The following KCNQ1 variants were observed in gnomAD, a reference collection of about 807,000 sequenced individuals.
KCNQ1 encodes potassium voltage-gated channel subfamily KQT member 1.
In KCNQ1, 49 loss-of-function variants were observed where a neutral mutation model predicts 72.4. The ratio of observed to expected loss-of-function variants is 0.68; its 90% confidence interval spans 0.54 to 0.86. The LOEUF is 0.86. Among genes scored for constraint, KCNQ1 ranks in the 40% least tolerant of loss-of-function variants. KCNQ1 has a pLI of 0.00. For missense variants in KCNQ1, 790 were observed against 945.1 expected (o/e 0.84, Z 2.15); for synonymous variants, 450 against 412.6 (o/e 1.09, Z -1.10).
At chr11:2,685,407 G>C (rs773730043) in intron 11 of KCNQ1, 32 of 398,502 alleles carry the variant, frequency 8.0e-5, no homozygotes, top group Non-Finnish European at 1.4e-4. Context: ...GTTTCCATGG[G>C]TCTCCTTCAC....
At chr11:2,726,984 C>T (rs1845775376) in intron 11 of KCNQ1, among the ~76,000 whole-genome samples, 1 of 152,206 alleles carries the variant, frequency 6.6e-6, no homozygotes, top group Admixed American at 6.5e-5. Context: ...AGGGTTGGCC[C>T]TGGGCATGGA....
chr11:2,489,577 A>G (rs1846801418), intron 1 of KCNQ1, among the ~76,000 whole-genome samples: 1 of 152,230 alleles, frequency 6.6e-6, no homozygotes, highest in South Asian at 2.1e-4. Context: ...CAGGGTGGCT[A>G]ACCCCAGGCA....
At chr11:2,576,477 C>A (rs1281220066) in intron 6 of KCNQ1, among the ~76,000 whole-genome samples, 1 of 152,228 alleles carries the variant, frequency 6.6e-6, no homozygotes, top group African/African-American at 2.4e-5. Flanking sequence ...ACACGGGCTT[C>A]TCTGTTCAGC....
At position 2,486,867 on chromosome 11, in the gene KCNQ1, C is replaced by T. The variant is rs534497411; in HGVS notation, c.387-41061C>T. Among the ~76,000 whole-genome samples the T allele has an allele frequency of 2.8e-4, 42 of 152,302 alleles. No homozygotes were observed. Among genetic ancestry groups the T allele is most frequent in the East Asian group, 9.6e-4 (5 of 5,182 alleles). ...AGCACCCACCAGGCCCCACCTCCAA[C>T]GCTGGGGATCACATTTCAACATGAG... On this transcript the variant is annotated intron_variant, in intron 1 of 15. Coordinates refer to ENST00000155840, the MANE Select transcript of KCNQ1 (RefSeq NM_000218.3). The surrounding 1 kb of genome is among the most constrained non-coding windows in gnomAD (Gnocchi z 5.0).
At chr11:2,694,886 G>A (rs1850648900) in intron 11 of KCNQ1, 1 of 398,566 alleles carries the variant, frequency 2.5e-6, no homozygotes, top group South Asian at 1.3e-4. Flanking sequence ...AGAAGGAATT[G>A]TCAAGGGAAG....
Position 2,593,464 on chromosome 11 carries a change from C to A in KCNQ1, c.1393+4610C>A, listed in dbSNP as rs1197681945. The stretch of plus-strand genomic sequence containing the variant: ...GGGCAGCACGCACCTTTCCACCTGG[C>A]CTGGAGGTGATTCTGAAGGGCTTCT... On this transcript the variant is annotated intron_variant, in intron 10 of 15. Coordinates refer to ENST00000155840, the MANE Select transcript of KCNQ1 (RefSeq NM_000218.3). This position sits in a 1 kb window ranked among gnomAD's most constrained non-coding sequence, Gnocchi z 6.9. Among the ~76,000 whole-genome samples the A allele has an allele frequency of 6.6e-6, 1 of 152,198 alleles. No homozygotes were observed. The highest frequency in any genetic ancestry group is 1.5e-5 in the Non-Finnish European group (1 of 68,040).
At position 2,447,192 on chromosome 11, in the gene KCNQ1, TC is replaced by T. The variant is rs1224015473; in HGVS notation, c.386+1710del. On this transcript the variant is annotated intron_variant, in intron 1 of 15. Coordinates refer to ENST00000155840, the MANE Select transcript of KCNQ1 (RefSeq NM_000218.3). The surrounding 1 kb of genome is among the most constrained non-coding windows in gnomAD (Gnocchi z 7.6). ...GTCTCTGCTTGCACTTGTGTTTTCT[TC>T]CTCATTTGGATTGTTTAGGTCTCGG... 1.3e-5 allele frequency among the ~76,000 whole-genome samples: 2 copies of T among 152,118 alleles called. No homozygotes were observed. Among genetic ancestry groups the T allele is most frequent in the Non-Finnish European group, 2.9e-5 (2 of 68,032 alleles).
intron 11 of KCNQ1, among the ~76,000 whole-genome samples, chr11:2,708,573 AG>A (rs1850951043): frequency 1.3e-5 from 2 of 152,118 alleles, no homozygotes; most frequent in Non-Finnish European, 1.5e-5. Flanking sequence ...TGGGGTGCAC[AG>A]GGTGGGCAGT....
Position 2,764,351 on chromosome 11 carries a change from G to T in KCNQ1, c.1515-4493G>T, listed in dbSNP as rs535791264. On this transcript the variant is annotated intron_variant, in intron 11 of 15. Coordinates refer to ENST00000155840, the MANE Select transcript of KCNQ1 (RefSeq NM_000218.3). This position sits in a 1 kb window ranked among gnomAD's most constrained non-coding sequence, Gnocchi z 4.8. The stretch of plus-strand genomic sequence containing the variant: ...TTATTCTGTTGATGTGAAGAGTGAC[G>T]CTGCTTGGTCCTTAGAGGGTAAACT... Among the ~76,000 whole-genome samples the T allele has an allele frequency of 6.6e-6, 1 of 152,246 alleles. No homozygotes were observed. The highest frequency in any genetic ancestry group is 2.4e-5 in the African/African-American group (1 of 41,542).
Position 2,617,784 on chromosome 11 carries a change from G to C in KCNQ1, c.1393+28930G>C, listed in dbSNP as rs570776242. 52 of 398,514 alleles carry C rather than the reference G, an allele frequency of 1.3e-4. No homozygotes were observed. The East Asian group carries it at 1.8e-3, about 14-fold the overall frequency. 24.7% of individuals were successfully genotyped at this position (398,514 alleles called of 1,614,324 possible). A position where few individuals can be genotyped will look rare whatever the true frequency, so the allele number is the denominator to read the frequency against. Reference sequence around the variant, plus strand: ...TTGATTTGCATTTCCCTGACGATTAGTGATGTTAAATGTCTTTTCATATAT... The same window carrying C: ...TTGATTTGCATTTCCCTGACGATTACTGATGTTAAATGTCTTTTCATATAT... On this transcript the variant is annotated intron_variant, in intron 10 of 15. Coordinates refer to ENST00000155840, the MANE Select transcript of KCNQ1 (RefSeq NM_000218.3). This position sits in a 1 kb window ranked among gnomAD's most constrained non-coding sequence, Gnocchi z 4.6.
chr11:2,788,271 C>T (rs934894236), intron 15 of KCNQ1, among the ~76,000 whole-genome samples: 2 of 152,156 alleles, frequency 1.3e-5, no homozygotes, highest in Non-Finnish European at 2.9e-5. Flanking sequence ...CACGCCTCCC[C>T]GAGGTCCCTA....
chr11:2,707,220 C>T (rs1850925717), intron 11 of KCNQ1, among the ~76,000 whole-genome samples: 1 of 152,178 alleles, frequency 6.6e-6, no homozygotes, highest in Non-Finnish European at 1.5e-5. Context: ...AGCACCAAAG[C>T]TCACTACTGT....
chr11:2,696,178 A>T (rs1309805445), intron 11 of KCNQ1: 1 of 398,344 alleles, frequency 2.5e-6, no homozygotes, highest in East Asian at 3.6e-5. Context: ...CTGTTTAAGA[A>T]CCCCACGGCC....
chr11:2,571,878 C>A (rs1589957572), intron 4 of KCNQ1, 135 bp from the exon 5 acceptor site: 1 of 726,396 alleles, frequency 1.4e-6, no homozygotes, highest in Non-Finnish European at 2.4e-6. Flanking sequence ...TGGACATATA[C>A]CCAGCCTCCC....
chr11:2,780,616 C>T (rs187466559), intron 15 of KCNQ1, among the ~76,000 whole-genome samples: 1 of 152,238 alleles, frequency 6.6e-6, no homozygotes, highest in Non-Finnish European at 1.5e-5. Flanking sequence ...CAGTGAGTCC[C>T]ACCCCAGGCC....
chr11:2,472,848 C>G (rs1846509215), intron 1 of KCNQ1, among the ~76,000 whole-genome samples: 1 of 152,104 alleles, frequency 6.6e-6, no homozygotes, highest in Admixed American at 6.5e-5. Flanking sequence ...TGATTCTGTC[C>G]TCAGAGGCAT....
chr11:2,763,753 G>T (rs960387342), intron 11 of KCNQ1, among the ~76,000 whole-genome samples: 2 of 151,566 alleles, frequency 1.3e-5, no homozygotes, highest in South Asian at 2.1e-4. Context: ...CTACAGATGG[G>T]GTCTCACTAT....
At chr11:2,585,490 G>C (rs993405827) in intron 8 of KCNQ1, among the ~76,000 whole-genome samples, 183 bp downstream of exon 8, 7 of 152,378 alleles carry the variant, frequency 4.6e-5, no homozygotes, top group Admixed American at 2.6e-4. Context: ...GGGCATTGGA[G>C]CCTGTCTTCC....
chr11:2,523,761 T>TTTTTG (rs1847440946), intron 1 of KCNQ1, among the ~76,000 whole-genome samples: 2 of 146,954 alleles, frequency 1.4e-5, no homozygotes, highest in Admixed American at 6.7e-5. Flanking sequence ...GTTTTTTTTT[T>TTTTTG]TTTTTTTTTT....
Sources: gnomAD v4.1 joint callset for allele counts (sites outside exome capture counted in the v4.1 genomes callset) on GRCh38, gnomAD v4.1.1 for gene constraint, Gnocchi (gnomAD v3.1) non-coding constraint, MANE v1.5 for transcripts, NCBI Gene and HGNC (gene_info 2026-07-23, HGNC 2026-07-21) for gene names.